The following KCNMA1 variants were observed in gnomAD, a reference collection of about 807,000 sequenced individuals.
The protein encoded by KCNMA1 is potassium calcium-activated channel subfamily M alpha 1, also known as Calcium-activated potassium channel subunit alpha-1.
A neutral mutation model predicts 140.0 loss-of-function variants in KCNMA1; 29 were observed. The ratio of observed to expected loss-of-function variants is 0.21; its 90% CI spans 0.15 to 0.28. KCNMA1 has a LOEUF of 0.28. Ranked by LOEUF, KCNMA1 falls within the 10% of genes least tolerant of loss-of-function variation. The pLI, the probability that KCNMA1 is intolerant of heterozygous loss-of-function variation, is 1.00. For synonymous variants in KCNMA1, 612 were observed against 611.9 expected, an observed-to-expected ratio of 1.00 and a Z score of 0.00; for missense variants, 880 against 1,602.2, an observed-to-expected ratio of 0.55 and a Z score of 7.70.
intron 15 of KCNMA1, among the ~76,000 whole-genome samples, chr10:77,037,005 T>C (rs995926562): frequency 6.6e-6 from 1 of 152,198 alleles, no homozygotes; most frequent in African/African-American, 2.4e-5. Flanking sequence ...ACATTCTCAC[T>C]CACATCAGAA....
intron 16 of KCNMA1, among the ~76,000 whole-genome samples, chr10:77,025,624 A>C (rs1203818569): frequency 6.6e-6 from 1 of 152,124 alleles, no homozygotes; most frequent in Non-Finnish European, 1.5e-5. Context: ...GGTGAAACCA[A>C]CAACAAAGGC....
chr10:76,949,417 G>T, intron 21 of KCNMA1, 51 bp from the exon 22 acceptor site: 1 of 1,363,340 alleles, frequency 7.3e-7, no homozygotes, highest in Non-Finnish European at 1.0e-6. Context: ...GCATAGGGCT[G>T]TTGTAAGGAG....
Position 77,016,526 on chromosome 10 carries a change from G to A in KCNMA1, c.2015+2487C>T, listed in dbSNP as rs57587921. ...ATTGTTGGGTCTGCCAATTTTTCAG[G>A]AGAAATGAGTAATAAGGATTTTTAT... On this transcript the variant is annotated intron_variant, in intron 17 of 27. Coordinates refer to ENST00000286628, the MANE Select transcript of KCNMA1 (RefSeq NM_001161352.2). 0.014 allele frequency among the ~76,000 whole-genome samples: 2,190 copies of A among 152,138 alleles called. 86 individuals carry two copies. The East Asian group carries it at 0.16, about 11-fold the overall frequency.
chr10:77,276,409 C>T (rs970959602), intron 2 of KCNMA1, among the ~76,000 whole-genome samples: 1 of 152,228 alleles, frequency 6.6e-6, no homozygotes. Context: ...GGGCATACTG[C>T]AGACATCAGG....
chr10:77,604,084 CTT>C (rs2154566776), intron 1 of KCNMA1, among the ~76,000 whole-genome samples: 1 of 152,364 alleles, frequency 6.6e-6, no homozygotes, highest in South Asian at 2.1e-4. Flanking sequence ...GCAGCCTTCT[CTT>C]GATTCTCCAG....
At chr10:77,535,466 A>C (rs1362572294) in intron 1 of KCNMA1, among the ~76,000 whole-genome samples, 1 of 152,266 alleles carries the variant, frequency 6.6e-6, no homozygotes. Flanking sequence ...TGGTACAGCC[A>C]CTATGGAAAA....
chr10:76,972,402 C>T (rs887411121), intron 19 of KCNMA1, among the ~76,000 whole-genome samples: 1 of 152,198 alleles, frequency 6.6e-6, no homozygotes, highest in African/African-American at 2.4e-5. Flanking sequence ...TCCTCCCTAG[C>T]ATGCCTGTGG....
intron 9 of KCNMA1, among the ~76,000 whole-genome samples, chr10:77,094,535 C>A (rs1209071967): frequency 6.6e-6 from 1 of 152,058 alleles, no homozygotes; most frequent in Admixed American, 6.6e-5. Flanking sequence ...TCACTAGAGT[C>A]TGGCTGGATA....
At chr10:76,922,982 G>GT (rs1022861171) in intron 23 of KCNMA1, among the ~76,000 whole-genome samples, 1 of 152,064 alleles carries the variant, frequency 6.6e-6, no homozygotes, top group African/African-American at 2.4e-5. Context: ...TACTCTCCTT[G>GT]TTTCTTTCTA....
chr10:77,515,728 C>T (rs899824515), intron 1 of KCNMA1, among the ~76,000 whole-genome samples: 1 of 149,528 alleles, frequency 6.7e-6, no homozygotes, highest in African/African-American at 2.5e-5. Context: ...TTCTCTGCCT[C>T]CCCACCCAGG....
At chr10:77,004,406 C>G (rs1023763641) in intron 18 of KCNMA1, among the ~76,000 whole-genome samples, 4 of 152,180 alleles carry the variant, frequency 2.6e-5, no homozygotes, top group African/African-American at 9.6e-5. Context: ...CTACTGCTGG[C>G]ATAGTCCATT....
intron 1 of KCNMA1, among the ~76,000 whole-genome samples, chr10:77,449,666 G>A (rs1389922129): frequency 5.7e-5 from 8 of 139,204 alleles, no homozygotes; most frequent in Non-Finnish European, 1.1e-4. Flanking sequence ...TTTTTGAGAC[G>A]GAGTCTCACT....
intron 9 of KCNMA1, among the ~76,000 whole-genome samples, chr10:77,100,294 T>A (rs1219958207): frequency 6.6e-6 from 1 of 152,188 alleles, no homozygotes; most frequent in Non-Finnish European, 1.5e-5. Context: ...AGTCAATGGC[T>A]AAGGTCATAT....
intron 1 of KCNMA1, among the ~76,000 whole-genome samples, chr10:77,513,028 A>G (rs1161435376): frequency 6.6e-6 from 1 of 152,074 alleles, no homozygotes; most frequent in Non-Finnish European, 1.5e-5. Context: ...AATTCCTCCA[A>G]TATGTCACCT....
In KCNMA1 at chr10:77,435,150, C is replaced by A. The variant is rs112257442; in HGVS notation, c.379-31127G>T. On this transcript the variant is annotated intron_variant, in intron 1 of 27. Coordinates refer to ENST00000286628, the MANE Select transcript of KCNMA1 (RefSeq NM_001161352.2). ...ATGGTGTCTCCCTCTGTTGCCTAGG[C>A]TGGCCTCAAACTCCTAGGCTCAAGC... Among the ~76,000 whole-genome samples, 1,270 of 151,884 alleles carry A rather than the reference C, an allele frequency of 8.4e-3. 25 individuals are homozygous for A. Among genetic ancestry groups the A allele is most frequent in the African/African-American group, 0.029 (1,221 of 41,398 alleles).
At chr10:77,617,993 A>T (rs1328587304) in intron 1 of KCNMA1, among the ~76,000 whole-genome samples, 1 of 152,174 alleles carries the variant, frequency 6.6e-6, no homozygotes, top group African/African-American at 2.4e-5. Context: ...ATACCATGTG[A>T]TCAAGTTCTG....
chr10:77,406,283 CG>C (rs2096468554), intron 1 of KCNMA1, among the ~76,000 whole-genome samples: 1 of 107,484 alleles, frequency 9.3e-6, no homozygotes, highest in Non-Finnish European at 2.1e-5. Context: ...GGTGTAGATT[CG>C]GGGGAAAATC....
chr10:77,523,007 C>T (rs1162960577), intron 1 of KCNMA1, among the ~76,000 whole-genome samples: 1 of 152,182 alleles, frequency 6.6e-6, no homozygotes, highest in Non-Finnish European at 1.5e-5. Flanking sequence ...AGTGCCCCCT[C>T]CTCTATGTAG....
intron 2 of KCNMA1, among the ~76,000 whole-genome samples, chr10:77,349,541 G>C (rs189639903): frequency 2.3e-4 from 35 of 152,296 alleles, no homozygotes; most frequent in Admixed American, 2.0e-3. Flanking sequence ...AACCCACTGG[G>C]TGAGTAAGCA....
Sources: allele counts gnomAD v4.1 joint callset (sites outside exome capture counted in the v4.1 genomes callset), GRCh38; gene constraint gnomAD v4.1.1; transcripts MANE v1.5; gene names NCBI Gene and HGNC (gene_info 2026-07-23, HGNC 2026-07-21).